RBFOX1: variants seen among roughly 807,000 people sequenced by gnomAD.
The protein encoded by RBFOX1 is RNA binding fox-1 homolog 1.
Under a neutral mutation model 57.7 loss-of-function variants are expected in RBFOX1, and 8 were observed. The ratio of observed to expected loss-of-function variants is 0.14; its 90% CI spans 0.08 to 0.25. The LOEUF is 0.25. Ranked by LOEUF, RBFOX1 falls within the 10% of genes least tolerant of loss-of-function variation. The pLI is 1.00. For synonymous variants in RBFOX1, 326 were observed against 222.4 expected, an observed-to-expected ratio of 1.47 and a Z score of -4.15; for missense variants, 611 against 548.5, an observed-to-expected ratio of 1.11 and a Z score of -1.14.
intron 3 of RBFOX1, among the ~76,000 whole-genome samples, chr16:6,816,170 G>T (rs929373244): frequency 1.3e-5 from 2 of 152,058 alleles, no homozygotes; most frequent in Non-Finnish European, 2.9e-5. Context: ...AATTAGGTAG[G>T]TGTGGTGATG....
intron 3 of RBFOX1, among the ~76,000 whole-genome samples, chr16:6,846,292 T>C (rs552644490): frequency 9.9e-4 from 151 of 152,244 alleles, no homozygotes; most frequent in African/African-American, 3.4e-3. Flanking sequence ...TTCCGTGTCA[T>C]CAAGAAACAT....
intron 2 of RBFOX1, among the ~76,000 whole-genome samples, chr16:5,528,644 C>A (rs1024009220): frequency 6.7e-6 from 1 of 149,682 alleles, no homozygotes; most frequent in African/African-American, 2.5e-5. Flanking sequence ...CCCTTCTCCG[C>A]TTCCCCCCTC....
intron 3 of RBFOX1, among the ~76,000 whole-genome samples, chr16:5,708,598 C>G (rs1175199736): frequency 6.6e-6 from 1 of 152,190 alleles, no homozygotes; most frequent in Non-Finnish European, 1.5e-5. Flanking sequence ...AACCATGTGT[C>G]TTCCAGTTTC....
chr16:6,824,751 TA>T (rs1388447701), intron 3 of RBFOX1, among the ~76,000 whole-genome samples: 2 of 152,062 alleles, frequency 1.3e-5, no homozygotes, highest in Non-Finnish European at 2.9e-5. Context: ...AAGCTTTCTT[TA>T]AAAACTTTTC....
chr16:5,462,395 C>G (rs641833), intron 1 of RBFOX1, among the ~76,000 whole-genome samples: 2 of 152,004 alleles, frequency 1.3e-5, no homozygotes, highest in African/African-American at 2.4e-5. Context: ...GTCTTGATCT[C>G]CTGACCTCGT....
At chr16:5,546,137 C>G (rs1188473963) in intron 2 of RBFOX1, among the ~76,000 whole-genome samples, 1 of 152,010 alleles carries the variant, frequency 6.6e-6, no homozygotes, top group Admixed American at 6.6e-5. Context: ...GATTCATATA[C>G]TGAAAATTAC....
intron 3 of RBFOX1, among the ~76,000 whole-genome samples, chr16:6,961,175 A>C (rs2153547420): frequency 6.6e-6 from 1 of 152,078 alleles, no homozygotes; most frequent in African/African-American, 2.4e-5. Context: ...AAAAGAAAGA[A>C]AGAAAAAAGA....
chr16:5,359,713 G>A (rs541993195), intron 1 of RBFOX1, among the ~76,000 whole-genome samples: 77 of 152,088 alleles, frequency 5.1e-4, no homozygotes, highest in African/African-American at 1.7e-3. Flanking sequence ...CATTTCCTCT[G>A]CTGTGCAGAA....
chr16:6,106,814 C>T lies in RBFOX1; in HGVS notation c.-127+86822C>T, dbSNP rs143083512. Among the ~76,000 whole-genome samples, 1,178 of 152,214 alleles carry T rather than the reference C, an allele frequency of 7.7e-3. 17 individuals are homozygous for T. The highest frequency in any genetic ancestry group is 0.027 in the African/African-American group (1,102 of 41,538). The stretch of plus-strand genomic sequence containing the variant: ...TCCCAAGTAGCTGGGACCACAGATG[C>T]CCATCACCATGCCTGGCTAATTTTT... On this transcript the variant is annotated intron_variant, in intron 1 of 15. Transcript: ENST00000550418.
At chr16:6,823,804 T>C (rs2091722046) in intron 3 of RBFOX1, among the ~76,000 whole-genome samples, 3 of 152,122 alleles carry the variant, frequency 2.0e-5, no homozygotes, top group Non-Finnish European at 2.9e-5. Flanking sequence ...AATAGGAGAT[T>C]CCTACCTCTG....
chr16:6,044,191 G>C (rs1229455873), intron 1 of RBFOX1, among the ~76,000 whole-genome samples: 1 of 152,198 alleles, frequency 6.6e-6, no homozygotes, highest in Non-Finnish European at 1.5e-5. Flanking sequence ...GGTATGTCTT[G>C]AATTAGGCTA....
chr16:5,810,218 T>A (rs1256100795), intron 3 of RBFOX1, among the ~76,000 whole-genome samples: 1 of 151,854 alleles, frequency 6.6e-6, no homozygotes, highest in Non-Finnish European at 1.5e-5. Context: ...GAGATATACC[T>A]AATGCTAAAT....
chr16:7,420,921 A>ATG (rs2098535645), intron 4 of RBFOX1, among the ~76,000 whole-genome samples: 1 of 146,608 alleles, frequency 6.8e-6, no homozygotes, highest in Non-Finnish European at 1.5e-5. Context: ...ACATATATAT[A>ATG]TATACACATA....
intron 3 of RBFOX1, among the ~76,000 whole-genome samples, chr16:5,835,520 G>T (rs2056429849): frequency 6.6e-6 from 1 of 152,254 alleles, no homozygotes; most frequent in Non-Finnish European, 1.5e-5. Context: ...AAAGAGTCCA[G>T]ATTCCCAGGA....
chr16:6,412,536 ACT>A (rs1334243223), intron 2 of RBFOX1, among the ~76,000 whole-genome samples: 1 of 152,040 alleles, frequency 6.6e-6, no homozygotes, highest in Non-Finnish European at 1.5e-5. Context: ...TCAAATGGAA[ACT>A]CTCACCAATG....
chr16:7,006,977 A>G (rs1014646629), intron 3 of RBFOX1, among the ~76,000 whole-genome samples: 1 of 152,148 alleles, frequency 6.6e-6, no homozygotes, highest in Non-Finnish European at 1.5e-5. Flanking sequence ...CAGAAGTACC[A>G]CACATTTGGC....
At chr16:6,485,845 C>T (rs541409321) in intron 2 of RBFOX1, among the ~76,000 whole-genome samples, 14 of 152,042 alleles carry the variant, frequency 9.2e-5, no homozygotes, top group Admixed American at 3.3e-4. Context: ...TATCACTTGT[C>T]TTAATTTTAG....
At chr16:7,003,663 A>G (rs75689212) in intron 3 of RBFOX1, among the ~76,000 whole-genome samples, 3,908 of 152,312 alleles carry the variant, frequency 0.026, 58 homozygotes, top group South Asian at 0.037. Flanking sequence ...TACATGTAGC[A>G]TCAAAGGAAC....
At chr16:7,304,115 C>G (rs1245841456) in intron 4 of RBFOX1, 1 of 749,840 alleles carries the variant, frequency 1.3e-6, no homozygotes, top group African/African-American at 1.9e-5. Flanking sequence ...ACGCCGGGAT[C>G]TAGCACATCC....
Sources: gnomAD v4.1 joint callset for allele counts (sites outside exome capture counted in the v4.1 genomes callset) on GRCh38, gnomAD v4.1.1 for gene constraint, MANE v1.5 for transcripts, NCBI Gene and HGNC (gene_info 2026-07-23, HGNC 2026-07-21) for gene names.